Variants in HNRNPA1 observed in about 807,000 individuals in gnomAD.
HNRNPA1 encodes the protein heterogeneous nuclear ribonucleoprotein A1.
Under a neutral mutation model 44.4 loss-of-function variants are expected in HNRNPA1, and 7 were observed. The observed-to-expected ratio is 0.16, with a 90% confidence interval of 0.09 to 0.30. The LOEUF (loss-of-function observed/expected upper bound fraction) is 0.30, where lower values mean the gene tolerates loss of function less well. Among genes scored for constraint, HNRNPA1 ranks in the 10% least tolerant of loss-of-function variants. The pLI is 1.00. For synonymous variants in HNRNPA1, 169 were observed against 160.6 expected (o/e 1.05, Z -0.40); for missense variants, 193 against 465.8 (o/e 0.41, Z 5.39).
At chr12:54,280,908 C>A in intron 1 of HNRNPA1, 86 bp downstream of exon 1, 2 of 1,440,536 alleles carry the variant, frequency 1.4e-6, no homozygotes, top group Non-Finnish European at 2.0e-6. Flanking sequence ...TTCCTTGCAC[C>A]AGCCCATTCT....
rs1944181592 is a variant in HNRNPA1 at position 54,282,029 on chromosome 12, C to T, written c.280-61C>T. 33 of 1,597,182 alleles carry T rather than the reference C, an allele frequency of 2.1e-5. No homozygotes were observed. In the South Asian group the frequency reaches 3.7e-4, roughly 18 times the overall value. On this transcript the variant is annotated intron_variant, in intron 3 of 10. Transcript: ENST00000340913. ...AGATTCGGGAGTTTTCTAAACTTAC[C>T]AAAATTTTTTATTCGAGTATAGGCT...
At position 54,284,860 on chromosome 12, in the gene HNRNPA1, T is replaced by C. The variant is rs576751121; in HGVS notation, c.*316T>C. 9.7e-6 allele frequency: 3 copies of C among 310,866 alleles called. No individual in the cohort carries two copies. Among genetic ancestry groups the C allele is most frequent in the East Asian group, 1.6e-4 (2 of 12,224 alleles). The allele number at this position is 310,866 out of a possible 1,614,324, so 19.3% of individuals were successfully genotyped here. A position where few individuals can be genotyped will look rare whatever the true frequency, so the allele number is the denominator to read the frequency against. ...AAATGTAACAGTCTGATCGTGACGC[T>C]GAATAAATGTCTTTTTTTTAATGTG... On this transcript the variant is annotated 3_prime_UTR_variant, in exon 11 of 11. Transcript: ENST00000340913.
chr12:54,280,832 G>A lies in HNRNPA1; in HGVS notation c.15+10G>A. 4 of 1,614,164 alleles carry A rather than the reference G, an allele frequency of 2.5e-6. No individual in the cohort carries two copies. The highest frequency in any genetic ancestry group is 3.4e-6 in the Non-Finnish European group (4 of 1,179,992). On this transcript the variant is annotated intron_variant, in intron 1 of 10. Coordinates refer to ENST00000340913, the MANE Select transcript of HNRNPA1 (RefSeq NM_031157.4). ...CATGTCTAAGTCAGAGGTGAGTTAGGCGCGCTTTCCCACTTGAATTTTTTC... is the reference window on the plus strand; with the variant it reads ...CATGTCTAAGTCAGAGGTGAGTTAGACGCGCTTTCCCACTTGAATTTTTTC...
rs1944167400 is a variant in HNRNPA1 at position 54,281,387 on chromosome 12, C to G, written c.17C>G (p.Ser6Cys). ...CACTTCCCCCTCCCCCCACTCTAGT[C>G]TCCTAAAGAGCCCGAACAGCTGAGG... MSKSE[S>C]PKEPEQLRKL... is the part of the protein sequence containing the mutation. Residue 6 changes from serine (S) to cysteine (C), a missense_variant and splice_region_variant, in exon 2 of 11, where the codon TCT (serine) becomes TGT (cysteine). Transcript: ENST00000340913. The G allele has an allele frequency of 6.4e-7, 1 of 1,560,390 alleles. No individual in the cohort carries two copies. Among genetic ancestry groups the G allele is most frequent in the African/African-American group, 1.4e-5 (1 of 73,152 alleles).
chr12:54,281,447 CTGA>C lies in HNRNPA1; in HGVS notation c.81_83del (p.Asp27del). On this transcript the variant is annotated inframe_deletion, in exon 2 of 11. Coordinates refer to ENST00000340913, the MANE Select transcript of HNRNPA1 (RefSeq NM_031157.4). ...ATTGGAGGGTTGAGCTTTGAAACAACTGATGAGAGCCTGAGGAGCCATTTTGAG... is the reference window on the plus strand; with the variant it reads ...ATTGGAGGGTTGAGCTTTGAAACAACTGAGAGCCTGAGGAGCCATTTTGAG... 1 of 1,612,602 alleles carries C rather than the reference CTGA, an allele frequency of 6.2e-7. No homozygotes were observed. Among genetic ancestry groups the C allele is most frequent in the Non-Finnish European group, 8.5e-7 (1 of 1,179,056 alleles).
chr12:54,284,122 G>A, intron 9 of HNRNPA1, 136 bp from the exon 10 acceptor site: 2 of 1,261,726 alleles, frequency 1.6e-6, no homozygotes, highest in South Asian at 2.9e-5. Flanking sequence ...AAAAATCATG[G>A]GACCTCTTTA....
At chr12:54,283,676 G>A (rs563392036) in intron 8 of HNRNPA1, 136 bp from the exon 9 acceptor site, 35 of 834,612 alleles carry the variant, frequency 4.2e-5, no homozygotes, top group Non-Finnish European at 6.5e-5. Context: ...AGAATGAAAT[G>A]CAAAGATTGG....
chr12:54,281,733 GT>G, intron 2 of HNRNPA1, 61 bp from the exon 3 acceptor site: 1 of 1,541,176 alleles, frequency 6.5e-7, no homozygotes, highest in Non-Finnish European at 8.8e-7. Flanking sequence ...CCTATTCAAA[GT>G]TAAAATGACA....
intron 2 of HNRNPA1, 68 bp downstream of exon 2, chr12:54,281,570 C>T (rs908609018): frequency 3.5e-6 from 4 of 1,157,406 alleles, no homozygotes; most frequent in Admixed American, 1.8e-5. Context: ...GCAGTCTTCT[C>T]CGAATGCTTA....
chr12:54,281,567 T>C, intron 2 of HNRNPA1, 65 bp downstream of exon 2: 2 of 1,171,578 alleles, frequency 1.7e-6, no homozygotes, highest in Non-Finnish European at 2.5e-6. Context: ...GGTGCAGTCT[T>C]CTCCGAATGC....
At chr12:54,280,871 G>A (rs1176387617) in intron 1 of HNRNPA1, 49 bp downstream of exon 1, 1 of 1,600,278 alleles carries the variant, frequency 6.2e-7, no homozygotes, top group Admixed American at 1.7e-5. Flanking sequence ...TCCCTTTCCT[G>A]AATCGGTAAG....
At chr12:54,280,885 C>T (rs942116862) in intron 1 of HNRNPA1, 63 bp downstream of exon 1, 14 of 1,576,030 alleles carry the variant, frequency 8.9e-6, no homozygotes, top group African/African-American at 5.4e-5. Context: ...CGGTAAGATG[C>T]TGCTGGGTTT....
Position 54,280,738 on chromosome 12 carries a change from C to T in HNRNPA1, c.-70C>T, listed in dbSNP as rs1200778926. ...AAGGTAGGCTGGCAGATACGTTCGT[C>T]AGCTTGCTCCTTTCTGCCCGTGGAC... is the stretch of plus-strand genomic sequence containing the variant. On this transcript the variant is annotated 5_prime_UTR_variant, in exon 1 of 11. Coordinates refer to ENST00000340913, the MANE Select transcript of HNRNPA1 (RefSeq NM_031157.4). 1.4e-5 allele frequency: 22 copies of T among 1,586,840 alleles called. No homozygotes were observed. In the East Asian group the frequency reaches 2.2e-4, roughly 16 times the overall value.
chr12:54,283,401 C>A (rs1343115443), intron 8 of HNRNPA1, among the ~76,000 whole-genome samples, 167 bp downstream of exon 8: 3 of 152,092 alleles, frequency 2.0e-5, no homozygotes, highest in Admixed American at 2.0e-4. Context: ...CGCCTCACTC[C>A]CAAATAGTAG....
chr12:54,281,332 G>A (rs916151919), intron 1 of HNRNPA1, 54 bp from the exon 2 acceptor site: 12 of 982,782 alleles, frequency 1.2e-5, no homozygotes, highest in African/African-American at 3.3e-5. Context: ...TTTCCTCGAT[G>A]GAAATTGTTT....
At chr12:54,281,041 G>T (rs1440396946) in intron 1 of HNRNPA1, 3 of 709,804 alleles carry the variant, frequency 4.2e-6, no homozygotes, top group Non-Finnish European at 7.7e-6. Flanking sequence ...CTCGTTACTC[G>T]TAGCAAAATT....
intron 2 of HNRNPA1, 59 bp from the exon 3 acceptor site, chr12:54,281,735 TA>T: frequency 6.5e-7 from 1 of 1,546,680 alleles, no homozygotes; most frequent in Non-Finnish European, 8.7e-7. Flanking sequence ...TATTCAAAGT[TA>T]AAATGACAAA....
chr12:54,282,309 CAGAT>C lies in HNRNPA1; in HGVS notation c.490+12_490+15del. On this transcript the variant is annotated intron_variant, in intron 4 of 10. Transcript: ENST00000340913. Reference sequence around the variant, plus strand: ...CGTGGATAAGATTGTCAGTAAGTATCAGATAGTGGCATTTAGTAAGGGTTCCACA... The same window carrying C: ...CGTGGATAAGATTGTCAGTAAGTATCAGTGGCATTTAGTAAGGGTTCCACA... 1.2e-6 allele frequency: 2 copies of C among 1,613,410 alleles called. No individual in the cohort carries two copies. Among genetic ancestry groups the C allele is most frequent in the Non-Finnish European group, 1.7e-6 (2 of 1,179,534 alleles).
Position 54,286,452 on chromosome 12 carries a change from G to A in HNRNPA1, c.*1908G>A, listed in dbSNP as rs1330319208. The stretch of plus-strand genomic sequence containing the variant: ...ACCCTATTGATGGCTCCCAGTTGAA[G>A]GAAGTGAGCACATTATTTGTACTGT... On this transcript the variant is annotated 3_prime_UTR_variant, in exon 11 of 11. Transcript: ENST00000340913. 3.9e-5 allele frequency: 6 copies of A among 152,158 alleles called. No homozygotes were observed. Among genetic ancestry groups the A allele is most frequent in the African/African-American group, 1.4e-4 (6 of 41,432 alleles). The allele number at this position is 152,158 out of a possible 1,614,324, so 9.4% of individuals were successfully genotyped here.
Sources: gnomAD v4.1 joint callset for allele counts (sites outside exome capture counted in the v4.1 genomes callset) on GRCh38, gnomAD v4.1.1 for gene constraint, MANE v1.5 for transcripts, NCBI Gene and HGNC (gene_info 2026-07-23, HGNC 2026-07-21) for gene names.